BCAR3: variants seen among roughly 807,000 people sequenced by gnomAD.
BCAR3 encodes the protein BCAR3 adaptor protein, NSP family member.
In BCAR3, 37 loss-of-function variants were observed where a neutral mutation model predicts 80.1. The observed-to-expected ratio is 0.46, with a 90% confidence interval of 0.36 to 0.61. BCAR3 has a LOEUF of 0.61. Ranked by LOEUF, BCAR3 falls within the 20% of genes least tolerant of loss-of-function variation. The pLI is 0.00. For missense variants in BCAR3, 978 were observed against 1,068.2 expected (o/e 0.92, Z 1.18); for synonymous variants, 389 against 418.9 (o/e 0.93, Z 0.87).
At chr1:93,631,602 G>A (rs995548717) in intron 3 of BCAR3, among the ~76,000 whole-genome samples, 2 of 152,172 alleles carry the variant, frequency 1.3e-5, no homozygotes, top group South Asian at 4.2e-4. Flanking sequence ...GCTGAGTCCC[G>A]TCAGAAGCCA....
At chr1:93,710,352 C>CCACG (rs1649977481) in intron 2 of BCAR3, among the ~76,000 whole-genome samples, 1 of 152,186 alleles carries the variant, frequency 6.6e-6, no homozygotes. Flanking sequence ...TGGATGTTTG[C>CCACG]TACGTCTCCC....
In BCAR3 at chr1:93,588,922, T is replaced by C; in HGVS notation, c.929+55A>G. The C allele has an allele frequency of 2.0e-6, 3 of 1,478,934 alleles. No homozygotes were observed. In the East Asian group the frequency reaches 6.9e-5, roughly 34 times the overall value. The allele number at this position is 1,478,934 out of a possible 1,614,324, so 91.6% of individuals were successfully genotyped here. ...ATGATGAATTCTTCACCTGCCTAACTAACCTTGGGCACCCCGGCGCCCCTC... is the reference window on the plus strand; with the variant it reads ...ATGATGAATTCTTCACCTGCCTAACCAACCTTGGGCACCCCGGCGCCCCTC... On this transcript the variant is annotated intron_variant, in intron 5 of 11. Transcript: ENST00000260502.
intron 2 of BCAR3, among the ~76,000 whole-genome samples, chr1:93,661,164 C>G (rs746612247): frequency 6.6e-6 from 1 of 152,188 alleles, no homozygotes; most frequent in Admixed American, 6.5e-5. Flanking sequence ...CTCAGCCTCC[C>G]GAGTAGGTGG....
intron 2 of BCAR3, among the ~76,000 whole-genome samples, chr1:93,708,581 CAT>C (rs1445397769): frequency 6.6e-6 from 1 of 152,166 alleles, no homozygotes; most frequent in East Asian, 1.9e-4. Flanking sequence ...AGAAAATAAA[CAT>C]ATTAGTAGCA....
chr1:93,729,665 C>T (rs1331268320), intron 2 of BCAR3, among the ~76,000 whole-genome samples: 1 of 152,176 alleles, frequency 6.6e-6, no homozygotes, highest in Non-Finnish European at 1.5e-5. Context: ...GGAGCCAGGC[C>T]TTGATACCTC....
intron 2 of BCAR3, among the ~76,000 whole-genome samples, chr1:93,771,666 C>A (rs1299902792): frequency 8.5e-5 from 13 of 152,164 alleles, no homozygotes; most frequent in Non-Finnish European, 1.2e-4. Context: ...TGTCAGGGAC[C>A]TGCAGATCTT....
chr1:93,836,846 C>T (rs1359335377), intron 2 of BCAR3, among the ~76,000 whole-genome samples: 3 of 152,062 alleles, frequency 2.0e-5, no homozygotes, highest in African/African-American at 7.2e-5. Context: ...TTGTGAAATT[C>T]CTTCTCCTGG....
chr1:93,823,151 G>A (rs568955517), intron 2 of BCAR3, among the ~76,000 whole-genome samples: 1 of 133,728 alleles, frequency 7.5e-6, no homozygotes, highest in Non-Finnish European at 1.7e-5. Flanking sequence ...AAGAGGGGAA[G>A]GACTTGGGCT....
At chr1:93,584,596 T>C (rs1673866082) in intron 5 of BCAR3, among the ~76,000 whole-genome samples, 1 of 152,170 alleles carries the variant, frequency 6.6e-6, no homozygotes, top group African/African-American at 2.4e-5. Context: ...GGTGCAAATC[T>C]CAGCATCCCC....
chr1:93,818,596 G>A (rs1235007382), intron 2 of BCAR3, among the ~76,000 whole-genome samples: 1 of 152,222 alleles, frequency 6.6e-6, no homozygotes, highest in East Asian at 1.9e-4. Context: ...TAAAATGGGA[G>A]GTAACAGTAC....
chr1:93,681,685 C>T lies in BCAR3; in HGVS notation c.-99G>A, dbSNP rs1218615858. 1 of 151,742 alleles carries T rather than the reference C, an allele frequency of 6.6e-6. No individual in the cohort carries two copies. Among genetic ancestry groups the T allele is most frequent in the Non-Finnish European group, 1.5e-5 (1 of 67,892 alleles). 9.4% of individuals were successfully genotyped at this position (151,742 alleles called of 1,614,324 possible). A position where few individuals can be genotyped will look rare whatever the true frequency, so the allele number is the denominator to read the frequency against. On this transcript the variant is annotated 5_prime_UTR_variant, in exon 1 of 12. Coordinates refer to ENST00000260502, the MANE Select transcript of BCAR3 (RefSeq NM_003567.4). ...AGGCGCCGCGCGGCCGGCCTCGCACCGCCCGCGCCGCGGCTGCTCCCGGAG... is the reference window on the plus strand; with the variant it reads ...AGGCGCCGCGCGGCCGGCCTCGCACTGCCCGCGCCGCGGCTGCTCCCGGAG...
intron 9 of BCAR3, among the ~76,000 whole-genome samples, chr1:93,568,312 C>T (rs1041076445): frequency 2.6e-5 from 4 of 152,134 alleles, no homozygotes; most frequent in African/African-American, 9.7e-5. Flanking sequence ...ATCCCCCATC[C>T]GCCCCATCTG....
At chr1:93,612,557 G>A (rs1234613716) in intron 3 of BCAR3, among the ~76,000 whole-genome samples, 1 of 152,206 alleles carries the variant, frequency 6.6e-6, no homozygotes, top group East Asian at 1.9e-4. Context: ...TGAATTAGCA[G>A]AAGTTGGCTT....
At chr1:93,593,516 C>T (rs1218252439) in intron 3 of BCAR3, among the ~76,000 whole-genome samples, 1 of 151,548 alleles carries the variant, frequency 6.6e-6, no homozygotes, top group Non-Finnish European at 1.5e-5. Flanking sequence ...CTACAACAGG[C>T]ACGTGCCACC....
intron 3 of BCAR3, among the ~76,000 whole-genome samples, chr1:93,602,684 T>C (rs1275316119): frequency 6.6e-6 from 1 of 152,212 alleles, no homozygotes; most frequent in Non-Finnish European, 1.5e-5. Context: ...AAAGGACTTT[T>C]AAAGACCCAA....
chr1:93,808,093 C>A (rs1011553189), intron 2 of BCAR3, among the ~76,000 whole-genome samples: 1 of 150,576 alleles, frequency 6.6e-6, no homozygotes, highest in African/African-American at 2.4e-5. Flanking sequence ...CAGAGAGTCC[C>A]TCTCTGTACA....
Position 93,674,694 on chromosome 1 carries a change from T to C in BCAR3, c.237A>G (p.Pro79=), listed in dbSNP as rs777532691. 2 of 1,613,874 alleles carry C rather than the reference T, an allele frequency of 1.2e-6. No homozygotes were observed. The highest frequency in any genetic ancestry group is 1.7e-6 in the Non-Finnish European group (2 of 1,179,960). ...CCTGGGTCACAGGCGAGTTCTGCCGTGGGGATTTGGAGTGGGGGAGGGTGC... is the reference window on the plus strand; with the variant it reads ...CCTGGGTCACAGGCGAGTTCTGCCGCGGGGATTTGGAGTGGGGGAGGGTGC... The part of the protein sequence containing the change: ...HMGTLPHSKS[P]RQNSPVTQDG... The change falls in exon 2 of 12, where the codon CCA becomes CCG. Residue 79 remains proline, a synonymous_variant. Coordinates refer to ENST00000260502, the MANE Select transcript of BCAR3 (RefSeq NM_003567.4).
At chr1:93,777,360 C>T (rs200435162) in intron 2 of BCAR3, among the ~76,000 whole-genome samples, 21 of 120,788 alleles carry the variant, frequency 1.7e-4, no homozygotes, top group African/African-American at 3.0e-4. Flanking sequence ...CTTCTTCCTC[C>T]TCTTCTTCTT....
Position 93,582,458 on chromosome 1 carries a change from T to G in BCAR3, c.1529A>C (p.Glu510Ala). 6.2e-7 allele frequency: 1 copy of G among 1,614,158 alleles called. No homozygotes were observed. Among genetic ancestry groups the G allele is most frequent in the Non-Finnish European group, 8.5e-7 (1 of 1,180,026 alleles). ...GTTGGGCCTGAAGGAGGAGACAGTC[T>G]CCAGGAGGGGCGTCACAAACTCGCC... ...DKGEFVTPLL[E>A]TVSSFRPNEF... The change falls in exon 7 of 12, where the codon GAG becomes GCG. Residue 510 changes from glutamate to alanine, a missense_variant. Coordinates refer to ENST00000260502, the MANE Select transcript of BCAR3 (RefSeq NM_003567.4).
Sources: gnomAD v4.1 joint callset for allele counts (sites outside exome capture counted in the v4.1 genomes callset) on GRCh38, gnomAD v4.1.1 for gene constraint, MANE v1.5 for transcripts, NCBI Gene and HGNC (gene_info 2026-07-23, HGNC 2026-07-21) for gene names.